LIMCH1: variants seen among roughly 807,000 people sequenced by gnomAD.
LIMCH1 encodes LIM and calponin homology domains 1.
Under a neutral mutation model 176.5 loss-of-function variants are expected in LIMCH1, and 113 were observed. The observed-to-expected ratio is 0.64, with a 90% CI of 0.55 to 0.75. The LOEUF is 0.75. Among genes scored for constraint, LIMCH1 ranks in the 30% least tolerant of loss-of-function variants. LIMCH1 has a pLI of 0.00. For missense variants in LIMCH1, 1,674 were observed against 1,814.9 expected (o/e 0.92, Z 1.41); for synonymous variants, 619 against 645.9 (o/e 0.96, Z 0.63).
intron 1 of LIMCH1, among the ~76,000 whole-genome samples, chr4:41,373,546 A>T (rs893707663): frequency 2.0e-5 from 3 of 152,262 alleles, no homozygotes; most frequent in Non-Finnish European, 2.9e-5. Flanking sequence ...GCTAACATTT[A>T]TGAGAGCTTA....
intron 1 of LIMCH1, among the ~76,000 whole-genome samples, chr4:41,418,954 G>C (rs2060187476): frequency 6.6e-6 from 1 of 152,094 alleles, no homozygotes; most frequent in Non-Finnish European, 1.5e-5. Context: ...ATAGGTATTT[G>C]AAATGTGGAA....
At chr4:41,613,928 C>T (rs558716867) in intron 5 of LIMCH1, among the ~76,000 whole-genome samples, 1 of 152,228 alleles carries the variant, frequency 6.6e-6, no homozygotes, top group Non-Finnish European at 1.5e-5. Flanking sequence ...CATCATTCCT[C>T]CCTTGGACTC....
chr4:41,660,049 T>G (rs939857805), intron 18 of LIMCH1, among the ~76,000 whole-genome samples: 4 of 152,056 alleles, frequency 2.6e-5, no homozygotes, highest in Admixed American at 6.6e-5. Flanking sequence ...TAATCACAAT[T>G]AACATTTTTG....
chr4:41,475,730 G>A (rs145308570), intron 1 of LIMCH1, among the ~76,000 whole-genome samples: 2 of 152,152 alleles, frequency 1.3e-5, no homozygotes, highest in African/African-American at 4.8e-5. Context: ...GGGGGCAAGG[G>A]GAGGGAGAGC....
intron 18 of LIMCH1, among the ~76,000 whole-genome samples, chr4:41,656,720 G>T (rs905319091): frequency 2.6e-5 from 4 of 152,066 alleles, no homozygotes; most frequent in African/African-American, 9.7e-5. Context: ...GATTTTCCAG[G>T]CTTGTGTCCA....
At chr4:41,609,287 T>C (rs1395511205) in intron 4 of LIMCH1, among the ~76,000 whole-genome samples, 1 of 152,056 alleles carries the variant, frequency 6.6e-6, no homozygotes, top group African/African-American at 2.4e-5. Context: ...TTTGTATTCA[T>C]TTGTGTTTTT....
intron 1 of LIMCH1, among the ~76,000 whole-genome samples, chr4:41,555,485 A>G (rs1047289817): frequency 2.6e-5 from 4 of 152,180 alleles, no homozygotes; most frequent in Non-Finnish European, 5.9e-5. Context: ...GGGAGGAAGC[A>G]TCACCCCTTT....
chr4:41,676,345 G>C, intron 22 of LIMCH1, 37 bp from the exon 23 acceptor site: 1 of 1,564,620 alleles, frequency 6.4e-7, no homozygotes, highest in Non-Finnish European at 8.8e-7. Context: ...TTGAGGACAT[G>C]GCTCAATTCT....
chr4:41,536,732 G>C (rs2077991206), upstream of LIMCH1, among the ~76,000 whole-genome samples: 1 of 152,002 alleles, frequency 6.6e-6, no homozygotes, highest in African/African-American at 2.4e-5. Context: ...AAACTGTCAA[G>C]GCCATCAAAA....
intron 1 of LIMCH1, among the ~76,000 whole-genome samples, chr4:41,587,434 C>T (rs1282758460): frequency 6.6e-6 from 1 of 152,150 alleles, no homozygotes; most frequent in East Asian, 1.9e-4. Flanking sequence ...GAGAGTCAGT[C>T]CTCTGACGGG....
At chr4:41,595,785 T>C (rs28478720) in intron 1 of LIMCH1, among the ~76,000 whole-genome samples, 13,039 of 152,014 alleles carry the variant, frequency 0.086, 1,811 homozygotes, top group African/African-American at 0.3. Context: ...CAACTGGACA[T>C]GGTGGCTCAT....
intron 7 of LIMCH1, among the ~76,000 whole-genome samples, chr4:41,621,623 T>C (rs1228332082): frequency 1.3e-5 from 2 of 151,998 alleles, no homozygotes; most frequent in Non-Finnish European, 2.9e-5. Flanking sequence ...TGCCTCAGCC[T>C]CCCAAGTAGC....
intron 1 of LIMCH1, among the ~76,000 whole-genome samples, chr4:41,432,077 A>C (rs913500759): frequency 1.3e-5 from 2 of 152,230 alleles, no homozygotes; most frequent in Non-Finnish European, 2.9e-5. Flanking sequence ...AAGGCAGTAT[A>C]CTTAGTAAGA....
intron 1 of LIMCH1, among the ~76,000 whole-genome samples, chr4:41,407,206 G>GT (rs1426125587): frequency 6.6e-6 from 1 of 152,092 alleles, no homozygotes; most frequent in African/African-American, 2.4e-5. Flanking sequence ...TTGAAAGTCT[G>GT]TAAGTCCACA....
At position 41,573,689 on chromosome 4, in the gene LIMCH1, T is replaced by C. The variant is rs1049851743; in HGVS notation, c.-240-25231T>C. On this transcript the variant is annotated intron_variant, in intron 1 of 31. Coordinates refer to ENST00000503057, the MANE Select transcript of LIMCH1 (RefSeq NM_001330672.2). ...TAAATCAACTTGTGATGAGCAATAC[T>C]GCACATAAACCTTCTTTTTTTCCTG... is the stretch of plus-strand genomic sequence containing the variant. Among the ~76,000 whole-genome samples, 7 of 152,136 alleles carry C rather than the reference T, an allele frequency of 4.6e-5. No individual in the cohort carries two copies. The East Asian group carries it at 1.3e-3, about 29-fold the overall frequency.
intron 1 of LIMCH1, among the ~76,000 whole-genome samples, chr4:41,417,366 G>C (rs2060036620): frequency 6.6e-6 from 1 of 152,190 alleles, no homozygotes. Context: ...TACAGATGAA[G>C]TAGAAACTGT....
At chr4:41,573,628 C>T (rs56368531) in intron 1 of LIMCH1, among the ~76,000 whole-genome samples, 8,930 of 152,246 alleles carry the variant, frequency 0.059, 849 homozygotes, top group African/African-American at 0.2. Context: ...ATTCCTGTTG[C>T]TGGGCATTTG....
intron 1 of LIMCH1, among the ~76,000 whole-genome samples, chr4:41,416,698 A>G (rs559384438): frequency 6.6e-6 from 1 of 151,436 alleles, no homozygotes; most frequent in Non-Finnish European, 1.5e-5. Flanking sequence ...TCACTAGGTT[A>G]TTTGTTAAAT....
At chr4:41,612,748 T>G (rs771139000) in intron 4 of LIMCH1, 41 of 677,446 alleles carry the variant, frequency 6.1e-5, no homozygotes, top group Middle Eastern at 4.9e-4. Flanking sequence ...CAGCCACAAG[T>G]GCTTTCAGCT....
Sources: allele counts gnomAD v4.1 joint callset (sites outside exome capture counted in the v4.1 genomes callset), GRCh38; gene constraint gnomAD v4.1.1; transcripts MANE v1.5; gene names NCBI Gene and HGNC (gene_info 2026-07-23, HGNC 2026-07-21).